The following LIN9 variants were observed in gnomAD, a reference collection of about 807,000 sequenced individuals.
LIN9 encodes the protein protein lin-9 homolog.
LIN9 carries 18 observed loss-of-function variants against 78.0 expected under a neutral mutation model. The observed-to-expected ratio is 0.23, with a 90% CI of 0.16 to 0.34. LIN9 has a LOEUF of 0.34. LIN9 is among the 10% of genes least tolerant of loss of function. The pLI, the probability that LIN9 is intolerant of heterozygous loss-of-function variation, is 1.00. For missense variants in LIN9, 451 were observed against 644.1 expected (o/e 0.70, Z 3.25); for synonymous variants, 192 against 215.2 (o/e 0.89, Z 0.94).
At chr1:226,234,991 A>G (rs1657594258) in intron 12 of LIN9, among the ~76,000 whole-genome samples, 3 of 149,194 alleles carry the variant, frequency 2.0e-5, no homozygotes, top group South Asian at 4.2e-4. Flanking sequence ...TCCCAGGTTC[A>G]ATATACTTAT....
intron 6 of LIN9, among the ~76,000 whole-genome samples, chr1:226,279,724 G>A (rs916649955): frequency 1.5e-4 from 21 of 136,798 alleles, no homozygotes; most frequent in Non-Finnish European, 1.2e-4. Context: ...GTAGTGAGCC[G>A]AGATTGCACC....
chr1:226,237,469 C>T (rs780399925), intron 12 of LIN9, among the ~76,000 whole-genome samples: 3 of 151,184 alleles, frequency 2.0e-5, no homozygotes, highest in Admixed American at 6.6e-5. Flanking sequence ...CCTGTCTCTA[C>T]TAAAAATACA....
chr1:226,246,064 A>G (rs1658457384), intron 11 of LIN9, among the ~76,000 whole-genome samples: 2 of 152,254 alleles, frequency 1.3e-5, no homozygotes, highest in Admixed American at 1.3e-4. Context: ...TTTAAGTGCC[A>G]CAAGAGTTAT....
rs1657311449 is a variant in LIN9, at chr1:226,231,233, C to G, written c.*1268G>C. The stretch of plus-strand genomic sequence containing the variant: ...TTTATGCATTTCTTAATTAACATAA[C>G]AGTTTAGCTAAATATAAACTCTGCA... On this transcript the variant is annotated 3_prime_UTR_variant, in exon 15 of 15. Transcript: ENST00000681046. 1.3e-5 allele frequency: 2 copies of G among 152,494 alleles called. No individual in the cohort carries two copies. The highest frequency in any genetic ancestry group is 4.8e-5 in the African/African-American group (2 of 41,416). The allele number at this position is 152,494 out of a possible 1,614,324, so 9.4% of individuals were successfully genotyped here.
At chr1:226,290,473 T>C (rs1057445469) in intron 4 of LIN9, among the ~76,000 whole-genome samples, 9 of 151,954 alleles carry the variant, frequency 5.9e-5, no homozygotes, top group African/African-American at 1.9e-4. Context: ...CCCGAGTAGC[T>C]GGGACTACAG....
At chr1:226,305,124 T>C (rs1662819930) in intron 1 of LIN9, among the ~76,000 whole-genome samples, 1 of 151,252 alleles carries the variant, frequency 6.6e-6, no homozygotes, top group Admixed American at 6.6e-5. Flanking sequence ...GAGCAAAGAC[T>C]GCACCGCTGC....
chr1:226,289,839 G>GGGC (rs1661623989), intron 4 of LIN9, among the ~76,000 whole-genome samples: 1 of 52,662 alleles, frequency 1.9e-5, no homozygotes, highest in Non-Finnish European at 4.6e-5. Context: ...TCCTCCGGGG[G>GGGC]GGGGGGTGGG....
intron 7 of LIN9, among the ~76,000 whole-genome samples, chr1:226,270,040 A>T (rs889229353): frequency 1.3e-5 from 2 of 152,092 alleles, no homozygotes; most frequent in African/African-American, 4.8e-5. Context: ...CTCCTGCCTC[A>T]GCCTCCTGAG....
intron 10 of LIN9, among the ~76,000 whole-genome samples, chr1:226,263,093 T>C (rs1181440113): frequency 1.3e-5 from 2 of 152,136 alleles, no homozygotes; most frequent in African/African-American, 4.8e-5. Context: ...GATAAAACTA[T>C]GGAAACAGTA....
At chr1:226,274,540 C>G (rs965512393) in intron 7 of LIN9, among the ~76,000 whole-genome samples, 1 of 152,108 alleles carries the variant, frequency 6.6e-6, no homozygotes, top group African/African-American at 2.4e-5. Flanking sequence ...TTTGTTTCAT[C>G]TAATATTTTT....
chr1:226,286,903 G>A (rs1321095657), intron 5 of LIN9, among the ~76,000 whole-genome samples: 1 of 152,154 alleles, frequency 6.6e-6, no homozygotes, highest in Non-Finnish European at 1.5e-5. Flanking sequence ...AGATTACACT[G>A]AGACACCCTG....
intron 6 of LIN9, among the ~76,000 whole-genome samples, chr1:226,282,792 G>C (rs1203078968): frequency 1.3e-5 from 2 of 152,158 alleles, no homozygotes; most frequent in Non-Finnish European, 2.9e-5. Flanking sequence ...CTGCACCCCA[G>C]CCTGGGCAAC....
chr1:226,254,215 A>G (rs1437973916), intron 10 of LIN9, among the ~76,000 whole-genome samples: 1 of 152,148 alleles, frequency 6.6e-6, no homozygotes, highest in Non-Finnish European at 1.5e-5. Context: ...TAGACTTCCA[A>G]TCCTCCCAGC....
intron 2 of LIN9, 45 bp downstream of exon 2, chr1:226,301,128 T>G (rs371859575): frequency 2.9e-5 from 42 of 1,459,052 alleles, no homozygotes; most frequent in Non-Finnish European, 3.8e-5. Context: ...ATTTAACAAA[T>G]TAGACTTTTA....
chr1:226,295,202 C>T (rs1312737687), intron 4 of LIN9, among the ~76,000 whole-genome samples: 1 of 151,946 alleles, frequency 6.6e-6, no homozygotes, highest in Non-Finnish European at 1.5e-5. Context: ...GTAATCCCAG[C>T]ACTTTGGGAG....
chr1:226,253,785 G>A (rs1659006946), intron 10 of LIN9, among the ~76,000 whole-genome samples: 2 of 151,904 alleles, frequency 1.3e-5, no homozygotes, highest in African/African-American at 4.8e-5. Context: ...CATGATGGCA[G>A]GCACCTGTAA....
intron 11 of LIN9, among the ~76,000 whole-genome samples, chr1:226,240,759 A>G (rs189202416): frequency 2.6e-5 from 4 of 152,214 alleles, no homozygotes; most frequent in Non-Finnish European, 4.4e-5. Flanking sequence ...ATCATAACTC[A>G]GTGCAGCCTC....
intron 2 of LIN9, among the ~76,000 whole-genome samples, chr1:226,300,008 G>C (rs1357008644): frequency 2.0e-5 from 3 of 149,944 alleles, no homozygotes; most frequent in Non-Finnish European, 4.4e-5. Context: ...GCGCGATCTT[G>C]GCTTACGGCA....
intron 2 of LIN9, among the ~76,000 whole-genome samples, chr1:226,299,627 T>C (rs188865445): frequency 5.9e-5 from 9 of 151,832 alleles, no homozygotes; most frequent in Admixed American, 4.6e-4. Flanking sequence ...GGAAGACAAA[T>C]TGTCTTCTCA....
Sources: allele counts gnomAD v4.1 joint callset (sites outside exome capture counted in the v4.1 genomes callset), GRCh38; gene constraint gnomAD v4.1.1; transcripts MANE v1.5; gene names NCBI Gene and HGNC (gene_info 2026-07-23, HGNC 2026-07-21).